The following PCDHA9 variants were observed in gnomAD, a reference collection of about 807,000 sequenced individuals.
PCDHA9 encodes protocadherin alpha 9.
PCDHA9 carries 62 observed loss-of-function variants against 62.0 expected under a neutral mutation model. The observed-to-expected ratio is 1.00, with a 90% CI of 0.81 to 1.23. The LOEUF (loss-of-function observed/expected upper bound fraction) is 1.23. PCDHA9 is among the 50% of genes most tolerant of loss of function. The pLI is 0.00. For synonymous variants in PCDHA9, 557 were observed against 567.6 expected (o/e 0.98, Z 0.27); for missense variants, 1,205 against 1,249.8 (o/e 0.96, Z 0.54).
At chr5:140,876,637 C>G (rs1554168755) in intron 1 of PCDHA9, 1 of 1,614,088 alleles carries the variant, frequency 6.2e-7, no homozygotes, top group Non-Finnish European at 8.5e-7. Flanking sequence ...CATCTGCTCA[C>G]TGACACCTCA....
chr5:140,868,138 A>G (rs1436780455), intron 1 of PCDHA9: 7 of 152,142 alleles, frequency 4.6e-5, no homozygotes, highest in African/African-American at 1.4e-4. Context: ...CTGTCATATC[A>G]TTGATTCTGT....
chr5:140,911,626 T>C (rs1436086231), intron 1 of PCDHA9, among the ~76,000 whole-genome samples: 5 of 152,180 alleles, frequency 3.3e-5, no homozygotes, highest in African/African-American at 1.2e-4. Context: ...TCCCCACATA[T>C]GGTCAAAGGT....
chr5:140,895,257 T>C (rs1180344268), intron 1 of PCDHA9, among the ~76,000 whole-genome samples: 2 of 152,212 alleles, frequency 1.3e-5, no homozygotes, highest in Non-Finnish European at 1.5e-5. Flanking sequence ...AGCTTTCTTT[T>C]TTTTCTTACT....
At chr5:140,997,566 T>G (rs1366934494) in intron 3 of PCDHA9, among the ~76,000 whole-genome samples, 1 of 152,208 alleles carries the variant, frequency 6.6e-6, no homozygotes, top group Non-Finnish European at 1.5e-5. Context: ...AACTGTCATA[T>G]GTGTGGTCCG....
At chr5:140,918,846 C>T (rs1261805257) in intron 1 of PCDHA9, among the ~76,000 whole-genome samples, 1 of 152,140 alleles carries the variant, frequency 6.6e-6, no homozygotes, top group African/African-American at 2.4e-5. Flanking sequence ...ACTAAATCTG[C>T]TGGTGCCTGA....
intron 1 of PCDHA9, chr5:140,858,432 G>A: frequency 6.5e-7 from 1 of 1,546,306 alleles, no homozygotes; most frequent in Admixed American, 1.9e-5. Flanking sequence ...GACCACTCTA[G>A]GAAGGTGGGT....
chr5:141,007,478 G>A (rs1041976706), intron 3 of PCDHA9, among the ~76,000 whole-genome samples: 5 of 151,620 alleles, frequency 3.3e-5, no homozygotes, highest in Admixed American at 6.6e-5. Context: ...TGAGGCACGA[G>A]AATTACTTGG....
At chr5:141,003,052 A>G (rs782531629) in intron 3 of PCDHA9, among the ~76,000 whole-genome samples, 17 of 152,230 alleles carry the variant, frequency 1.1e-4, no homozygotes, top group Non-Finnish European at 1.9e-4. Context: ...CCTTAACAGA[A>G]CAGTTCCAAA....
chr5:140,987,858 T>C (rs1203158352), intron 3 of PCDHA9, among the ~76,000 whole-genome samples: 1 of 152,142 alleles, frequency 6.6e-6, no homozygotes, highest in African/African-American at 2.4e-5. Context: ...CCACATCTCT[T>C]TACTCTGTGG....
chr5:140,883,484 T>C, intron 1 of PCDHA9: 1 of 1,614,066 alleles, frequency 6.2e-7, no homozygotes, highest in Non-Finnish European at 8.5e-7. Flanking sequence ...GAACTACTAC[T>C]CATTAGTGCT....
chr5:140,991,310 C>T (rs1450251256), intron 3 of PCDHA9, among the ~76,000 whole-genome samples: 2 of 152,140 alleles, frequency 1.3e-5, no homozygotes, highest in Admixed American at 6.5e-5. Flanking sequence ...TATCTTGTCC[C>T]GCATGATACA....
intron 1 of PCDHA9, among the ~76,000 whole-genome samples, chr5:140,879,279 A>G (rs2057928398): frequency 2.0e-5 from 3 of 152,250 alleles, no homozygotes; most frequent in East Asian, 3.8e-4. Flanking sequence ...CAGACTCAAT[A>G]CAAATGATAA....
intron 1 of PCDHA9, among the ~76,000 whole-genome samples, chr5:140,956,217 T>C (rs1554222303): frequency 1.1e-4 from 17 of 152,208 alleles, no homozygotes. Flanking sequence ...GGCATCCTTG[T>C]CTTGTGCTGG....
At chr5:140,958,868 A>G (rs2095446207) in intron 1 of PCDHA9, among the ~76,000 whole-genome samples, 2 of 152,108 alleles carry the variant, frequency 1.3e-5, no homozygotes, top group Non-Finnish European at 2.9e-5. Context: ...CTGGGTTTAT[A>G]AAAGAATTGA....
At chr5:140,866,540 C>T (rs920003585) in intron 1 of PCDHA9, 4 of 152,134 alleles carry the variant, frequency 2.6e-5, no homozygotes, top group Admixed American at 2.6e-4. Context: ...GAATTAGCAT[C>T]ACGGAATAAA....
chr5:140,884,323 C>G (rs1554181434), intron 1 of PCDHA9: 10 of 1,613,816 alleles, frequency 6.2e-6, no homozygotes, highest in Non-Finnish European at 8.5e-6. Context: ...CGTCGGCAGG[C>G]GCTGTGGGTC....
chr5:140,984,971 T>A (rs1437915679), intron 3 of PCDHA9, among the ~76,000 whole-genome samples: 1 of 152,080 alleles, frequency 6.6e-6, no homozygotes, highest in East Asian at 1.9e-4. Flanking sequence ...AGAGTCTCGC[T>A]CTGTCCCCCA....
rs2095730579 is a variant in PCDHA9 at position 140,963,035 on chromosome 5, T to C, written c.2395-15914T>C. Among the ~76,000 whole-genome samples, 3 of 152,330 alleles carry C rather than the reference T, an allele frequency of 2.0e-5. No individual in the cohort carries two copies. The South Asian group carries it at 6.2e-4, about 32-fold the overall frequency. On this transcript the variant is annotated intron_variant, in intron 1 of 3. Transcript: ENST00000532602. ...AAGAAAATGAAGCAATTAACATTTA[T>C]TGAGAGTCTATAAGGGTTTCTACAT...
intron 1 of PCDHA9, among the ~76,000 whole-genome samples, chr5:140,917,311 G>T (rs2078013594): frequency 6.7e-6 from 1 of 148,748 alleles, no homozygotes; most frequent in Non-Finnish European, 1.5e-5. Flanking sequence ...GTTACAATTT[G>T]GTGTTCATGT....
Sources: gnomAD v4.1 joint callset for allele counts (sites outside exome capture counted in the v4.1 genomes callset) on GRCh38, gnomAD v4.1.1 for gene constraint, MANE v1.5 for transcripts, NCBI Gene and HGNC (gene_info 2026-07-23, HGNC 2026-07-21) for gene names.